The following DENND5B variants were observed in gnomAD, a reference collection of about 807,000 sequenced individuals.
DENND5B encodes the protein DENN domain containing 5B, also known as DENN domain-containing protein 5B.
A neutral mutation model predicts 140.6 loss-of-function variants in DENND5B; 34 were observed. That is an observed-to-expected ratio of 0.24 (90% CI 0.18 to 0.32). DENND5B has a LOEUF of 0.32. Ranked by LOEUF, DENND5B falls within the 10% of genes least tolerant of loss-of-function variation. The pLI is 1.00. For missense variants in DENND5B, 1,142 were observed against 1,560.2 expected (o/e 0.73, Z 4.52); for synonymous variants, 551 against 562.1 (o/e 0.98, Z 0.28).
intron 8 of DENND5B, among the ~76,000 whole-genome samples, chr12:31,429,860 C>T (rs549616031): frequency 6.6e-6 from 1 of 152,152 alleles, no homozygotes; most frequent in East Asian, 1.9e-4. Context: ...GCGCGTGCTA[C>T]AACACCTGGC....
At chr12:31,550,130 T>C (rs928405301) in intron 1 of DENND5B, among the ~76,000 whole-genome samples, 3 of 151,796 alleles carry the variant, frequency 2.0e-5, no homozygotes, top group Non-Finnish European at 4.4e-5. Flanking sequence ...TTCTTACATA[T>C]GTATACATGT....
In DENND5B at chr12:31,546,744, C is replaced by T. The variant is rs555941784; in HGVS notation, c.127+43962G>A. 1.0e-3 allele frequency among the ~76,000 whole-genome samples: 157 copies of T among 152,246 alleles called. 2 individuals are homozygous for T. In the South Asian group the frequency reaches 0.014, roughly 13 times the overall value. ...TCTGCATTTAAAAGCAACATTATAA[C>T]CCCACATCTAAAAGACCCAGGGAGG... On this transcript the variant is annotated intron_variant, in intron 1 of 20. Coordinates refer to ENST00000389082, the MANE Select transcript of DENND5B (RefSeq NM_144973.4).
At chr12:31,434,139 G>C (rs530415079) in intron 7 of DENND5B, among the ~76,000 whole-genome samples, 1 of 152,188 alleles carries the variant, frequency 6.6e-6, no homozygotes, top group Admixed American at 6.5e-5. Flanking sequence ...ATCAGTTTTA[G>C]AAAATATTTA....
chr12:31,411,285 G>A (rs1408130919), intron 13 of DENND5B, among the ~76,000 whole-genome samples: 1 of 148,788 alleles, frequency 6.7e-6, no homozygotes, highest in African/African-American at 2.5e-5. Context: ...TGATCCACCC[G>A]CCTCGGCCTC....
chr12:31,433,041 A>G, intron 8 of DENND5B, 114 bp downstream of exon 8: 1 of 901,460 alleles, frequency 1.1e-6, no homozygotes, highest in Non-Finnish European at 1.7e-6. Flanking sequence ...AACTATAACT[A>G]AACAGTTTTT....
At chr12:31,590,032 A>G (rs1033888065) in intron 1 of DENND5B, 4 of 152,302 alleles carry the variant, frequency 2.6e-5, no homozygotes, top group Non-Finnish European at 4.4e-5. Flanking sequence ...CAGTGTAGGC[A>G]GTGTCAACAA....
chr12:31,493,721 C>T (rs889123445), intron 2 of DENND5B, among the ~76,000 whole-genome samples: 2 of 151,976 alleles, frequency 1.3e-5, no homozygotes, highest in Admixed American at 6.5e-5. Flanking sequence ...ATCTCAGCTA[C>T]TCGGGAGGCT....
intron 5 of DENND5B, among the ~76,000 whole-genome samples, chr12:31,450,977 G>T (rs1273328249): frequency 6.6e-6 from 1 of 152,114 alleles, no homozygotes; most frequent in Non-Finnish European, 1.5e-5. Context: ...AGGAAAGCTG[G>T]TATATTTTCT....
At chr12:31,431,002 A>C (rs1011513355) in intron 8 of DENND5B, among the ~76,000 whole-genome samples, 5 of 152,248 alleles carry the variant, frequency 3.3e-5, no homozygotes, top group Non-Finnish European at 7.3e-5. Flanking sequence ...TGATGATAAA[A>C]ATAACATCTG....
At chr12:31,476,069 T>C (rs1945792878) in intron 3 of DENND5B, among the ~76,000 whole-genome samples, 1 of 151,718 alleles carries the variant, frequency 6.6e-6, no homozygotes. Context: ...GAGGTTGCAA[T>C]ATGCTGAGAT....
chr12:31,436,799 T>C lies in DENND5B; in HGVS notation c.2013-3551A>G, dbSNP rs367750510. Among the ~76,000 whole-genome samples the C allele has an allele frequency of 2.9e-4, 44 of 152,184 alleles. 1 individual carries two copies. The East Asian group carries it at 5.8e-3, about 20-fold the overall frequency. On this transcript the variant is annotated intron_variant, in intron 7 of 20. Transcript: ENST00000389082. ...ATCCGCCCGCCTCAGCCTCCCAAAGTGCTGGGATTACAGACGTGAGTCACT... is the reference window on the plus strand; with the variant it reads ...ATCCGCCCGCCTCAGCCTCCCAAAGCGCTGGGATTACAGACGTGAGTCACT...
In DENND5B at chr12:31,389,330, C is replaced by A. The variant is rs1941008421; in HGVS notation, c.3635G>T (p.Gly1212Val). 2 of 1,612,088 alleles carry A rather than the reference C, an allele frequency of 1.2e-6. No homozygotes were observed. Among genetic ancestry groups the A allele is most frequent in the Non-Finnish European group, 1.7e-6 (2 of 1,179,160 alleles). The change falls in exon 20 of 21, where the codon GGA becomes GTA. Residue 1212 changes from glycine (G) to valine (V), a missense_variant. Transcript: ENST00000389082. ...TAAAAAACTGGTTTTGTACCTTGTT[C>A]CAAGGCAAACTAAAATCTGGAATTT... Reference protein sequence around the residue: ...DGKFQILVCLGTRDRLLPQWI... With the variant: ...DGKFQILVCLVTRDRLLPQWI...
At chr12:31,523,090 A>C (rs1947959658) in intron 1 of DENND5B, among the ~76,000 whole-genome samples, 1 of 144,166 alleles carries the variant, frequency 6.9e-6, no homozygotes, top group Non-Finnish European at 1.5e-5. Flanking sequence ...AAAAAGCCTC[A>C]TTCTGTCGCC....
chr12:31,424,672 C>G lies in DENND5B; in HGVS notation c.2254G>C (p.Val752Leu). ...ECRMKTKRMLVEKMGHEAVEL... is the reference protein window; with the variant it reads ...ECRMKTKRMLLEKMGHEAVEL... ...ACCGCTTCATGTCCCATCTTCTCCACCAACATGCGCTTTGTCTAAGAATAT... is the reference window on the plus strand; with the variant it reads ...ACCGCTTCATGTCCCATCTTCTCCAGCAACATGCGCTTTGTCTAAGAATAT... Residue 752 changes from valine (V) to leucine (L), a missense_variant, in exon 10 of 21, where the codon GTG becomes CTG. This residue lies in a region of DENND5B where 33 missense variants were observed against 90.8 expected (regional missense o/e 0.36). Coordinates refer to ENST00000389082, the MANE Select transcript of DENND5B (RefSeq NM_144973.4). 6.2e-7 allele frequency: 1 copy of G among 1,613,946 alleles called. No individual in the cohort carries two copies. Among genetic ancestry groups the G allele is most frequent in the Non-Finnish European group, 8.5e-7 (1 of 1,179,868 alleles).
chr12:31,517,305 TTTTG>T, intron 1 of DENND5B, among the ~76,000 whole-genome samples: 1 of 152,226 alleles, frequency 6.6e-6, no homozygotes, highest in East Asian at 1.9e-4. Context: ...GTTTGTTTTG[TTTTG>T]TTTTTCTGTG....
intron 4 of DENND5B, among the ~76,000 whole-genome samples, chr12:31,457,042 C>A (rs900900520): frequency 1.3e-5 from 2 of 152,340 alleles, no homozygotes; most frequent in Admixed American, 6.5e-5. Flanking sequence ...TGTGCCACCA[C>A]ATTCCTGCCT....
chr12:31,551,631 T>G (rs534814350), intron 1 of DENND5B, among the ~76,000 whole-genome samples: 1 of 152,210 alleles, frequency 6.6e-6, no homozygotes, highest in Non-Finnish European at 1.5e-5. Context: ...GGGGATGGCA[T>G]TGAATCTATA....
chr12:31,441,940 C>G (rs1364411033), intron 7 of DENND5B, among the ~76,000 whole-genome samples: 1 of 152,146 alleles, frequency 6.6e-6, no homozygotes, highest in Non-Finnish European at 1.5e-5. Context: ...GCCTCGGCCT[C>G]CCAAAGTGCT....
chr12:31,534,904 G>A (rs774231124), intron 1 of DENND5B: 2 of 373,078 alleles, frequency 5.4e-6, no homozygotes, highest in Non-Finnish European at 1.0e-5. Flanking sequence ...GATGCAAAGG[G>A]GTCAAGAGGC....
Sources: allele counts gnomAD v4.1 joint callset (sites outside exome capture counted in the v4.1 genomes callset), GRCh38; gene constraint gnomAD v4.1.1; regional missense constraint gnomAD v4.1.1; transcripts MANE v1.5; gene names NCBI Gene and HGNC (gene_info 2026-07-23, HGNC 2026-07-21).